Variants in UNC13B observed in about 807,000 individuals in gnomAD.
The protein encoded by UNC13B is protein unc-13 homolog B.
Under a neutral mutation model 211.0 loss-of-function variants are expected in UNC13B, and 144 were observed. That is an observed-to-expected ratio of 0.68 (90% CI 0.60 to 0.78). The LOEUF (loss-of-function observed/expected upper bound fraction) is 0.78, where lower values mean the gene tolerates loss of function less well. Ranked by LOEUF, UNC13B falls within the 30% of genes least tolerant of loss-of-function variation. UNC13B has a pLI of 0.00. For missense variants in UNC13B, 1,777 were observed against 2,002.0 expected, an observed-to-expected ratio of 0.89 and a Z score of 2.14; for synonymous variants, 709 against 725.8, an observed-to-expected ratio of 0.98 and a Z score of 0.37.
At chr9:35,164,912 C>G (rs1449523792) in intron 1 of UNC13B, among the ~76,000 whole-genome samples, 2 of 152,194 alleles carry the variant, frequency 1.3e-5, no homozygotes, top group African/African-American at 2.4e-5. Context: ...CTGCCTGCAA[C>G]TGGTCTTGTA....
chr9:35,398,165 T>TAGGCTA, intron 30 of UNC13B, 46 bp from the exon 31 acceptor site: 1 of 1,585,858 alleles, frequency 6.3e-7, no homozygotes, highest in East Asian at 2.3e-5. Flanking sequence ...TAATGGGTCC[T>TAGGCTA]ATGCTGAAAG....
At chr9:35,346,466 C>T (rs540520812) in intron 11 of UNC13B, among the ~76,000 whole-genome samples, 2 of 152,264 alleles carry the variant, frequency 1.3e-5, no homozygotes, top group East Asian at 3.9e-4. Context: ...TTTCCTTTCT[C>T]TTTTTCGTTG....
chr9:35,314,874 C>CTT lies in UNC13B; in HGVS notation c.9414+912_9414+913dup, dbSNP rs765803997. On this transcript the variant is annotated intron_variant, in intron 11 of 39. Transcript: ENST00000635942. ...ATGGACACTTAGGTTGATTCCGTAT[C>CTT]TTTTTTTTTTTTTTTTTTTTTTTTT... 4.7e-4 allele frequency among the ~76,000 whole-genome samples: 27 copies of CTT among 57,782 alleles called. 1 individual carries two copies. Among genetic ancestry groups the CTT allele is most frequent in the South Asian group, 1.6e-3 (2 of 1,280 alleles). The allele number at this position is 57,782 out of a possible 152,430, so 37.9% of individuals were successfully genotyped here.
intron 7 of UNC13B, among the ~76,000 whole-genome samples, chr9:35,295,237 A>G (rs1829293459): frequency 6.6e-6 from 1 of 152,218 alleles, no homozygotes; most frequent in South Asian, 2.1e-4. Flanking sequence ...TAAAAGTCTG[A>G]AAACACCAAG....
intron 1 of UNC13B, 106 bp from the exon 2 acceptor site, chr9:35,227,909 C>G: frequency 1.1e-6 from 1 of 881,890 alleles, no homozygotes; most frequent in South Asian, 1.8e-5. Context: ...TTAGATTTAA[C>G]AATCTAAACC....
rs569565022 is a variant in UNC13B, at chr9:35,385,832, C to T, written c.10965+19C>T. ...AATGAAGGTAAGAAATGGACTGGGG[C>T]TTGGGTGGTGCTGGGCTGGAGACCT... On this transcript the variant is annotated intron_variant, in intron 23 of 39. Transcript: ENST00000635942. The T allele has an allele frequency of 1.2e-6, 2 of 1,601,262 alleles. No homozygotes were observed. The highest frequency in any genetic ancestry group is 1.7e-4 in the Middle Eastern group (1 of 5,982).
In UNC13B at chr9:35,389,916, C is replaced by T. The variant is rs763292738; in HGVS notation, c.11165C>T (p.Thr3722Ile). ...RNLDFWPKLI[T>I]LIVSIIEEDK... The stretch of plus-strand genomic sequence containing the variant: ...CTGGATTTCTGGCCCAAGCTCATCA[C>T]ACTCATCGTGTCAATCATAGAGGAA... The change falls in exon 25 of 40, where the codon ACA becomes ATA. Residue 3722 changes from threonine (T) to isoleucine (I), a missense_variant. By Grantham distance (89) the Thr-to-Ile change is moderately conservative (BLOSUM62 -1). Coordinates refer to ENST00000635942, the MANE Select transcript of UNC13B (RefSeq NM_001371189.2). 1.1e-5 allele frequency: 17 copies of T among 1,614,052 alleles called. No individual in the cohort carries two copies. Among genetic ancestry groups the T allele is most frequent in the Admixed American group, 1.7e-5 (1 of 60,008 alleles).
chr9:35,204,362 T>G (rs534574411), intron 1 of UNC13B, among the ~76,000 whole-genome samples: 5 of 152,344 alleles, frequency 3.3e-5, no homozygotes, highest in Non-Finnish European at 7.3e-5. Context: ...GAGTCCACAC[T>G]GGGGCACTGC....
chr9:35,370,203 A>T, intron 12 of UNC13B, 115 bp from the exon 13 acceptor site: 1 of 765,954 alleles, frequency 1.3e-6, no homozygotes, highest in Non-Finnish European at 2.2e-6. Context: ...AGCACATGGT[A>T]GAGGTCAGTT....
intron 6 of UNC13B, among the ~76,000 whole-genome samples, chr9:35,246,556 G>T (rs1826114153): frequency 6.6e-6 from 1 of 152,120 alleles, no homozygotes; most frequent in Non-Finnish European, 1.5e-5. Context: ...TCCAGTTTCA[G>T]CTTTCTACAT....
Position 35,307,111 on chromosome 9 carries a change from G to T in UNC13B, c.7707G>T (p.Met2569Ile). 2.5e-6 allele frequency: 1 copy of T among 399,028 alleles called. No homozygotes were observed. Among genetic ancestry groups the T allele is most frequent in the South Asian group, 1.3e-4 (1 of 7,828 alleles). 24.7% of individuals were successfully genotyped at this position (399,028 alleles called of 1,614,324 possible). The part of the protein sequence containing the change: ...SSESTLSDCR[M>I]TVVSAKPESD... ...AATCTACTCTCAGTGACTGTAGAAT[G>T]ACTGTGGTTAGTGCAAAGCCAGAAT... The change falls in exon 9 of 40, where the codon ATG (methionine) becomes ATT (isoleucine). Residue 2569 changes from methionine (M) to isoleucine (I), a missense_variant. By Grantham distance (10) the Met-to-Ile change is conservative. Coordinates refer to ENST00000635942, the MANE Select transcript of UNC13B (RefSeq NM_001371189.2).
chr9:35,255,018 T>C (rs1587477915), intron 6 of UNC13B, among the ~76,000 whole-genome samples: 1 of 109,222 alleles, frequency 9.2e-6, no homozygotes, highest in Non-Finnish European at 1.9e-5. Context: ...TATTAATATA[T>C]GTATATATAA....
chr9:35,351,921 G>T, intron 11 of UNC13B: 1 of 1,232,270 alleles, frequency 8.1e-7, no homozygotes, highest in South Asian at 4.1e-5. Context: ...CAAGGCTGTA[G>T]CCGTGAACAG....
intron 11 of UNC13B, among the ~76,000 whole-genome samples, chr9:35,325,136 G>A (rs1830936602): frequency 6.6e-6 from 1 of 152,200 alleles, no homozygotes; most frequent in Non-Finnish European, 1.5e-5. Flanking sequence ...AGGGAGAGAA[G>A]GATGAGGTAA....
rs540417374 is a variant in UNC13B at position 35,341,124 on chromosome 9, G to T, written c.9415-25823G>T. On this transcript the variant is annotated intron_variant, in intron 11 of 39. Transcript: ENST00000635942. ...GGCCCTGAACCTTAGGCAGCTTTTT[G>T]GTCATGGTGATATCACTTTAGGTTA... 6.6e-5 allele frequency among the ~76,000 whole-genome samples: 10 copies of T among 152,272 alleles called. No homozygotes were observed. In the South Asian group the frequency reaches 2.1e-3, roughly 32 times the overall value.
intron 7 of UNC13B, among the ~76,000 whole-genome samples, chr9:35,282,952 T>C (rs539826810): frequency 1.4e-4 from 22 of 152,328 alleles, no homozygotes; most frequent in East Asian, 3.9e-4. Flanking sequence ...TAGTTGCACA[T>C]TGAAGATTGA....
At position 35,246,493 on chromosome 9, in the gene UNC13B, T is replaced by G. The variant is rs558827493; in HGVS notation, c.468+3129T>G. Among the ~76,000 whole-genome samples the G allele has an allele frequency of 2.0e-3, 300 of 152,306 alleles. 8 individuals carry two copies. In the South Asian group the frequency reaches 0.029, roughly 15 times the overall value. On this transcript the variant is annotated intron_variant, in intron 6 of 39. Coordinates refer to ENST00000635942, the MANE Select transcript of UNC13B (RefSeq NM_001371189.2). Reference sequence around the variant, plus strand: ...GTTTTTATGATTTTAGGTCTAACATTTAAGTCTTTAATCCATCTTGAATTA... The same window carrying G: ...GTTTTTATGATTTTAGGTCTAACATGTAAGTCTTTAATCCATCTTGAATTA...
Position 35,300,841 on chromosome 9 carries a change from G to A in UNC13B, c.1437G>A (p.Glu479=). 1 of 398,898 alleles carries A rather than the reference G, an allele frequency of 2.5e-6. No individual in the cohort carries two copies. The highest frequency in any genetic ancestry group is 4.4e-6 in the Non-Finnish European group (1 of 226,008). 24.7% of individuals were successfully genotyped at this position (398,898 alleles called of 1,614,324 possible). Residue 479 remains glutamate (E), a synonymous_variant, in exon 9 of 40, where the codon GAG becomes GAA. Transcript: ENST00000635942. ...AATATTTAGCAGAGAAGGAAGAGGA[G>A]ATTAATAGATTTGGTTCACTTTCAA... is the stretch of plus-strand genomic sequence containing the variant. ...VSEYLAEKEE[E]INRFGSLSKT... is the part of the protein sequence containing the mutation.
At chr9:35,208,305 C>G (rs1823776389) in intron 1 of UNC13B, among the ~76,000 whole-genome samples, 1 of 152,164 alleles carries the variant, frequency 6.6e-6, no homozygotes, top group African/African-American at 2.4e-5. Flanking sequence ...TAATACCCTT[C>G]TTGGAACATT....
Sources: gnomAD v4.1 joint callset for allele counts (sites outside exome capture counted in the v4.1 genomes callset) on GRCh38, gnomAD v4.1.1 for gene constraint, MANE v1.5 for transcripts, NCBI Gene and HGNC (gene_info 2026-07-23, HGNC 2026-07-21) for gene names.